Variants in TPP2 observed in about 807,000 individuals in gnomAD.
The protein encoded by TPP2 is tripeptidyl-peptidase 2.
A neutral mutation model predicts 155.9 loss-of-function variants in TPP2; 34 were observed. The ratio of observed to expected loss-of-function variants is 0.22; its 90% CI spans 0.17 to 0.29. TPP2 has a LOEUF of 0.29. Ranked by LOEUF, TPP2 falls within the 10% of genes least tolerant of loss-of-function variation. TPP2 has a pLI of 1.00. For missense variants in TPP2, 1,028 were observed against 1,522.3 expected (o/e 0.68, Z 5.40); for synonymous variants, 510 against 529.4 (o/e 0.96, Z 0.50).
intron 24 of TPP2, among the ~76,000 whole-genome samples, chr13:102,656,159 A>G (rs1324360489): frequency 6.6e-6 from 1 of 152,202 alleles, no homozygotes; most frequent in Non-Finnish European, 1.5e-5. Context: ...AATACAAACC[A>G]AAATTTTAAT....
chr13:102,665,051 T>TTCC, intron 27 of TPP2, 126 bp downstream of exon 27: 2 of 1,205,158 alleles, frequency 1.7e-6, no homozygotes, highest in Non-Finnish European at 2.3e-6. Flanking sequence ...ATGGGAATTA[T>TTCC]CACTATTTGG....
intron 15 of TPP2, among the ~76,000 whole-genome samples, chr13:102,638,719 C>A (rs777810681): frequency 6.6e-6 from 1 of 152,194 alleles, no homozygotes; most frequent in Non-Finnish European, 1.5e-5. Flanking sequence ...AATGCTTCCA[C>A]TTTTCTAGTT....
intron 11 of TPP2, among the ~76,000 whole-genome samples, chr13:102,634,620 T>C (rs766432943): frequency 6.6e-6 from 1 of 152,174 alleles, no homozygotes; most frequent in African/African-American, 2.4e-5. Context: ...TTGTCTCTCC[T>C]CTGCCTCCTT....
intron 4 of TPP2, 75 bp from the exon 5 acceptor site, chr13:102,618,647 A>G (rs1057071411): frequency 1.6e-5 from 25 of 1,539,502 alleles, no homozygotes; most frequent in Non-Finnish European, 2.1e-5. Context: ...TTAACATTGT[A>G]TCTTTGGCTG....
At chr13:102,670,106 A>G (rs994621152) in intron 27 of TPP2, among the ~76,000 whole-genome samples, 6 of 152,066 alleles carry the variant, frequency 3.9e-5, no homozygotes, top group African/African-American at 1.2e-4. Context: ...TCTCCACCAA[A>G]TAACCACTTT....
At chr13:102,658,250 GC>G (rs1299426392) in intron 25 of TPP2, among the ~76,000 whole-genome samples, 1 of 152,156 alleles carries the variant, frequency 6.6e-6, no homozygotes, top group Admixed American at 6.5e-5. Flanking sequence ...ATGCATCCTT[GC>G]AGTTATATGG....
chr13:102,636,968 C>G, intron 13 of TPP2, 114 bp from the exon 14 acceptor site: 2 of 977,794 alleles, frequency 2.0e-6, no homozygotes, highest in Non-Finnish European at 2.9e-6. Context: ...GTTTTGGATG[C>G]ATTTTACAGC....
chr13:102,616,839 T>C (rs1277397034), intron 4 of TPP2, among the ~76,000 whole-genome samples: 1 of 152,208 alleles, frequency 6.6e-6, no homozygotes, highest in Non-Finnish European at 1.5e-5. Flanking sequence ...CACCTTGACT[T>C]CTAACACTGC....
At chr13:102,610,900 A>C (rs1880259660) in intron 2 of TPP2, among the ~76,000 whole-genome samples, 1 of 152,254 alleles carries the variant, frequency 6.6e-6, no homozygotes, top group Admixed American at 6.5e-5. Context: ...CGTACATCAG[A>C]AACTTCCTGC....
At chr13:102,628,623 C>T (rs575481903) in intron 8 of TPP2, among the ~76,000 whole-genome samples, 2 of 152,098 alleles carry the variant, frequency 1.3e-5, no homozygotes, top group African/African-American at 2.4e-5. Flanking sequence ...ATGTTACCTT[C>T]CTTTTTTTCT....
chr13:102,644,719 G>A (rs1882988910), intron 18 of TPP2, 46 bp downstream of exon 18: 2 of 1,520,074 alleles, frequency 1.3e-6, no homozygotes, highest in Non-Finnish European at 1.8e-6. Context: ...AGTTACTTGT[G>A]TTACTGGAGA....
intron 25 of TPP2, among the ~76,000 whole-genome samples, chr13:102,662,821 T>C (rs756179837): frequency 6.6e-6 from 1 of 152,274 alleles, no homozygotes. Context: ...TCCTGATACA[T>C]ATAATCAGGT....
intron 10 of TPP2, chr13:102,631,498 A>T (rs1423436236): frequency 6.6e-6 from 1 of 152,254 alleles, no homozygotes; most frequent in Non-Finnish European, 1.5e-5. Flanking sequence ...CAGTTAATAA[A>T]AGTGTAAAAT....
chr13:102,599,953 A>G (rs1879298593), intron 1 of TPP2, among the ~76,000 whole-genome samples: 1 of 150,414 alleles, frequency 6.6e-6, no homozygotes, highest in African/African-American at 2.5e-5. Context: ...TTTCTCTTTG[A>G]TCCATCCTTC....
At chr13:102,651,541 G>T in intron 24 of TPP2, 144 bp downstream of exon 24, 1 of 714,288 alleles carries the variant, frequency 1.4e-6, no homozygotes, top group Non-Finnish European at 2.1e-6. Context: ...GCTCTTAGCT[G>T]TACTTAGAAG....
At chr13:102,614,336 A>G in intron 3 of TPP2, 140 bp downstream of exon 3, 1 of 638,456 alleles carries the variant, frequency 1.6e-6, no homozygotes. Context: ...CTTTCAAACA[A>G]TGACTGCTTA....
chr13:102,668,623 A>G (rs1397303461), intron 27 of TPP2, among the ~76,000 whole-genome samples: 1 of 152,168 alleles, frequency 6.6e-6, no homozygotes, highest in African/African-American at 2.4e-5. Flanking sequence ...CAGTTACTTT[A>G]TTGGAGGCTG....
intron 28 of TPP2, among the ~76,000 whole-genome samples, chr13:102,675,290 T>C (rs1307682406): frequency 6.6e-6 from 1 of 152,166 alleles, no homozygotes; most frequent in East Asian, 1.9e-4. Context: ...ACTCAGTTAC[T>C]CAGTTATATT....
intron 1 of TPP2, among the ~76,000 whole-genome samples, chr13:102,598,101 A>G (rs1028157589): frequency 1.3e-5 from 2 of 152,162 alleles, no homozygotes; most frequent in Admixed American, 6.5e-5. Flanking sequence ...TTTTGAAAGT[A>G]TGTTGTCTCT....
Sources: allele counts gnomAD v4.1 joint callset (sites outside exome capture counted in the v4.1 genomes callset), GRCh38; gene constraint gnomAD v4.1.1; transcripts MANE v1.5; gene names NCBI Gene and HGNC (gene_info 2026-07-23, HGNC 2026-07-21).